The following SBF1 variants were observed in gnomAD, a reference collection of about 807,000 sequenced individuals.
SBF1 encodes myotubularin-related protein 5.
Under a neutral mutation model 215.8 loss-of-function variants are expected in SBF1, and 65 were observed. The ratio of observed to expected loss-of-function variants is 0.30; its 90% confidence interval spans 0.25 to 0.37. The LOEUF is 0.37. Ranked by LOEUF, SBF1 falls within the 10% of genes least tolerant of loss-of-function variation. The pLI is 1.00. For synonymous variants in SBF1, 1,410 were observed against 1,122.8 expected (o/e 1.26, Z -5.11); for missense variants, 2,634 against 2,667.8 (o/e 0.99, Z 0.28).
At chr22:50,463,577 G>A (rs1603433297) in intron 15 of SBF1, 145 bp from the exon 16 acceptor site, 2 of 884,022 alleles carry the variant, frequency 2.3e-6, no homozygotes, top group Non-Finnish European at 3.3e-6. Flanking sequence ...GACCAATAAA[G>A]ACTAAAACCT....
At position 50,446,862 on chromosome 22, in the gene SBF1, T is replaced by C. The variant is rs1301899244; in HGVS notation, c.*280A>G. 4.0e-6 allele frequency: 3 copies of C among 741,628 alleles called. No individual in the cohort carries two copies. Among genetic ancestry groups the C allele is most frequent in the Non-Finnish European group, 7.4e-6 (3 of 404,174 alleles). 45.9% of individuals were successfully genotyped at this position (741,628 alleles called of 1,614,324 possible). ...GTTCTAGAAACTCGCCTGCAGCCGC[T>C]GGCTGGACCAGCACACGCTGACGGG... On this transcript the variant is annotated 3_prime_UTR_variant, in exon 41 of 41. Transcript: ENST00000380817.
rs965863353 is a variant in SBF1 at position 50,445,056 on chromosome 22, C to T, written c.*2086G>A. ...TCACCTGACAGGGCACCCCAAACCC[C>T]CAACTCCCAATAAAAGCCGTGACGT... On this transcript the variant is annotated 3_prime_UTR_variant, in exon 41 of 41. Transcript: ENST00000380817. 6.5e-6 allele frequency: 1 copy of T among 152,746 alleles called. No homozygotes were observed. Among genetic ancestry groups the T allele is most frequent in the Admixed American group, 6.5e-5 (1 of 15,276 alleles). 9.5% of individuals were successfully genotyped at this position (152,746 alleles called of 1,614,324 possible).
At chr22:50,457,162 G>A (rs1381852939) in intron 28 of SBF1, 51 bp from the exon 29 acceptor site, 3 of 1,392,544 alleles carry the variant, frequency 2.2e-6, no homozygotes, top group Non-Finnish European at 2.8e-6. Context: ...GCCTGGGCGT[G>A]CCCAGCTTGG....
In SBF1 at chr22:50,456,394, C is replaced by G. The variant is rs751843428; in HGVS notation, c.4088G>C (p.Gly1363Ala). The G allele has an allele frequency of 2.7e-5, 43 of 1,611,902 alleles. No individual in the cohort carries two copies. The highest frequency in any genetic ancestry group is 3.6e-5 in the Non-Finnish European group (42 of 1,179,868). Reference protein sequence around the residue: ...YILGDKAQLKGVRSDPLQQWE... With the variant: ...YILGDKAQLKAVRSDPLQQWE... Reference sequence around the variant, plus strand: ...CTGCTGCAGGGGGTCTGACCGCACACCCTGAAAAGAATCCGGACAAGTCCC... The same window carrying G: ...CTGCTGCAGGGGGTCTGACCGCACAGCCTGAAAAGAATCCGGACAAGTCCC... Residue 1363 changes from glycine to alanine, a missense_variant and splice_region_variant, in exon 31 of 41, where the codon GGT becomes GCT. Coordinates refer to ENST00000380817, the MANE Select transcript of SBF1 (RefSeq NM_002972.4).
At chr22:50,457,296 G>A in intron 28 of SBF1, 185 bp from the exon 29 acceptor site, 1 of 480,062 alleles carries the variant, frequency 2.1e-6, no homozygotes, top group Non-Finnish European at 3.6e-6. Context: ...CTCTCTGCCA[G>A]GGCAGGGCAG....
chr22:50,463,564 GCCGA>G, intron 15 of SBF1, 132 bp from the exon 16 acceptor site: 4 of 1,025,432 alleles, frequency 3.9e-6, no homozygotes, highest in Non-Finnish European at 5.5e-6. Context: ...CTGGGGCTTT[GCCGA>G]CCAATAAAGA....
Position 50,455,235 on chromosome 22 carries a change from A to G in SBF1, c.4543T>C (p.Cys1515Arg). ...AGCGGCCTGCCCACCTGGTGTACGC[A>G]GTCCAGGAACTGCAGGAAGACGGGT... ...FTPVFLQFLD[C>R]VHQVHLQFPM... is the part of the protein sequence containing the mutation. The change falls in exon 33 of 41, where the codon TGC becomes CGC. Residue 1515 changes from cysteine (C) to arginine (R), a missense_variant. Physicochemically the swap from Cys to Arg is radical, Grantham distance 180. Coordinates refer to ENST00000380817, the MANE Select transcript of SBF1 (RefSeq NM_002972.4). 6.2e-7 allele frequency: 1 copy of G among 1,612,940 alleles called. No homozygotes were observed. The highest frequency in any genetic ancestry group is 8.5e-7 in the Non-Finnish European group (1 of 1,179,514).
At position 50,464,907 on chromosome 22, in the gene SBF1, T is replaced by C; in HGVS notation, c.1343A>G (p.His448Arg). 6.2e-7 allele frequency: 1 copy of C among 1,613,648 alleles called. No homozygotes were observed. The highest frequency in any genetic ancestry group is 1.1e-5 in the South Asian group (1 of 91,078). The change falls in exon 13 of 41, where the codon CAC (histidine) becomes CGC (arginine). Residue 448 changes from histidine (H) to arginine (R), a missense_variant. His to Arg is a conservative substitution (Grantham distance 29). Transcript: ENST00000380817. ...ATCCGCCCGCATCCTTGCCACCTCG[T>C]GGGCCACCAGCTAGCGGGGTAAGCA... ...PTDLFDELVAHEVARMRADEN... is the reference protein window; with the variant it reads ...PTDLFDELVAREVARMRADEN...
In SBF1 at chr22:50,446,725, G is replaced by A; in HGVS notation, c.*417C>T. ...AAAGATGCCAACCTCCCGCCAGGTG[G>A]GCCTGGATAGGGGCAGATGGGACCC... On this transcript the variant is annotated 3_prime_UTR_variant, in exon 41 of 41. Coordinates refer to ENST00000380817, the MANE Select transcript of SBF1 (RefSeq NM_002972.4). 1 of 443,542 alleles carries A rather than the reference G, an allele frequency of 2.3e-6. No homozygotes were observed. The highest frequency in any genetic ancestry group is 6.1e-5 in the East Asian group (1 of 16,336). 27.5% of individuals were successfully genotyped at this position (443,542 alleles called of 1,614,324 possible).
chr22:50,449,127 G>A (rs954779512), intron 36 of SBF1, among the ~76,000 whole-genome samples: 25 of 151,156 alleles, frequency 1.7e-4, no homozygotes, highest in Admixed American at 5.9e-4. Flanking sequence ...AGCCGAGAAC[G>A]CGCCACTGCA....
chr22:50,465,635 G>T, intron 10 of SBF1, 128 bp downstream of exon 10: 1 of 878,686 alleles, frequency 1.1e-6, no homozygotes, highest in Non-Finnish European at 1.7e-6. Context: ...TTGCTCCCAG[G>T]CTCCTGCTTC....
intron 1 of SBF1, among the ~76,000 whole-genome samples, chr22:50,474,005 C>G (rs1372314277): frequency 6.6e-6 from 1 of 152,224 alleles, no homozygotes; most frequent in Non-Finnish European, 1.5e-5. Context: ...GCCAACGCTG[C>G]TGTCTCCAGG....
Position 50,464,625 on chromosome 22 carries a change from C to A in SBF1, c.1545G>T (p.Trp515Cys). 2 of 1,610,890 alleles carry A rather than the reference C, an allele frequency of 1.2e-6. No homozygotes were observed. Among genetic ancestry groups the A allele is most frequent in the Non-Finnish European group, 1.7e-6 (2 of 1,179,870 alleles). Residue 515 changes from tryptophan to cysteine, a missense_variant, in exon 14 of 41, where the codon TGG (tryptophan) becomes TGT (cysteine). Coordinates refer to ENST00000380817, the MANE Select transcript of SBF1 (RefSeq NM_002972.4). Reference sequence around the variant, plus strand: ...TCTTGGCTGCAGCCTGGTCCACGATCCACTGCACGGTGCCCTCATCCAGCC... The same window carrying A: ...TCTTGGCTGCAGCCTGGTCCACGATACACTGCACGGTGCCCTCATCCAGCC... ...FPRLDEGTVQ[W>C]IVDQAAAKMQ...
chr22:50,448,161 C>T, intron 38 of SBF1, 72 bp downstream of exon 38: 1 of 1,472,330 alleles, frequency 6.8e-7, no homozygotes, highest in African/African-American at 1.4e-5. Flanking sequence ...CAATCTCCCA[C>T]CAGAGGACTG....
intron 37 of SBF1, 23 bp from the exon 38 acceptor site, chr22:50,448,467 T>C (rs755587979): frequency 6.2e-7 from 1 of 1,612,456 alleles, no homozygotes; most frequent in Admixed American, 1.7e-5. Context: ...GGTTGGGACT[T>C]GGGTCAGGGC....
intron 26 of SBF1, 60 bp downstream of exon 26, chr22:50,459,892 G>T: frequency 1.3e-6 from 2 of 1,571,628 alleles, no homozygotes; most frequent in Admixed American, 1.7e-5. Flanking sequence ...GGCCCACAGC[G>T]GGCAGGGAAG....
In SBF1 at chr22:50,454,681, G is replaced by A. The variant is rs756843805; in HGVS notation, c.4874C>T (p.Thr1625Met). 89 of 1,573,950 alleles carry A rather than the reference G, an allele frequency of 5.7e-5. 1 individual carries two copies. The highest frequency in any genetic ancestry group is 2.4e-4 in the Admixed American group (13 of 54,498). Residue 1625 changes from threonine to methionine, a missense_variant, in exon 36 of 41, where the codon ACG (threonine) becomes ATG (methionine). Physicochemically the swap from Thr to Met is moderately conservative, Grantham distance 81 (BLOSUM62 -1). Transcript: ENST00000380817. ...LKVWDFYTEE[T>M]LAEGPPYDWE... ...GTCATAGGGAGGGCCCTCGGCCAGC[G>A]TCTCCTCAGTGTAGAAGTCCCACAC...
chr22:50,447,057 G>C lies in SBF1; in HGVS notation c.*85C>G, dbSNP rs1230445238. 2 of 1,217,630 alleles carry C rather than the reference G, an allele frequency of 1.6e-6. No homozygotes were observed. Among genetic ancestry groups the C allele is most frequent in the African/African-American group, 3.0e-5 (2 of 66,702 alleles). 75.4% of individuals were successfully genotyped at this position (1,217,630 alleles called of 1,614,324 possible). A position where few individuals can be genotyped will look rare whatever the true frequency, so the allele number is the denominator to read the frequency against. On this transcript the variant is annotated 3_prime_UTR_variant, in exon 41 of 41. Coordinates refer to ENST00000380817, the MANE Select transcript of SBF1 (RefSeq NM_002972.4). ...GGCCTCAATACTGTCGAGGGCCGGG[G>C]CTGTAAACATGGCCGGGGCGGCCCT...
chr22:50,454,270 C>T (rs1380977319), intron 36 of SBF1, among the ~76,000 whole-genome samples: 1 of 152,174 alleles, frequency 6.6e-6, no homozygotes, highest in Non-Finnish European at 1.5e-5. Flanking sequence ...CTGAGGGTCT[C>T]TGATGACGGC....
Sources: gnomAD v4.1 joint callset for allele counts (sites outside exome capture counted in the v4.1 genomes callset) on GRCh38, gnomAD v4.1.1 for gene constraint, MANE v1.5 for transcripts, NCBI Gene and HGNC (gene_info 2026-07-23, HGNC 2026-07-21) for gene names.